FBXL13: variants seen among roughly 807,000 people sequenced by gnomAD.
FBXL13 encodes the protein F-box and leucine rich repeat protein 13, also known as F-box and leucine-rich repeat protein 13.
FBXL13 carries 67 observed loss-of-function variants against 83.6 expected under a neutral mutation model. The ratio of observed to expected loss-of-function variants is 0.80; its 90% CI spans 0.66 to 0.98. The LOEUF (loss-of-function observed/expected upper bound fraction) is 0.98. Among genes scored for constraint, FBXL13 ranks in the 50% least tolerant of loss-of-function variants. The probability of loss-of-function intolerance (pLI) is 0.00; values close to 1 mark genes in which losing one functional copy is unlikely to be tolerated. For synonymous variants in FBXL13, 272 were observed against 299.5 expected, an observed-to-expected ratio of 0.91 and a Z score of 0.95; for missense variants, 822 against 866.5, an observed-to-expected ratio of 0.95 and a Z score of 0.64.
chr7:102,882,054 A>C (rs1049486711), intron 14 of FBXL13, among the ~76,000 whole-genome samples: 1 of 152,158 alleles, frequency 6.6e-6, no homozygotes, highest in Non-Finnish European at 1.5e-5. Context: ...TGAAGCCAGG[A>C]CTTTGAGACC....
At chr7:102,873,108 G>C (rs1808743101) in intron 16 of FBXL13, among the ~76,000 whole-genome samples, 1 of 152,146 alleles carries the variant, frequency 6.6e-6, no homozygotes, top group African/African-American at 2.4e-5. Context: ...TGCCTTTGCT[G>C]ATCAACTTCT....
At chr7:103,072,390 A>G (rs1016774288) in intron 1 of FBXL13, among the ~76,000 whole-genome samples, 4 of 152,178 alleles carry the variant, frequency 2.6e-5, no homozygotes, top group African/African-American at 9.7e-5. Flanking sequence ...ACTCCTCAGG[A>G]GAACATGATC....
chr7:102,950,496 T>A (rs1823242735), intron 8 of FBXL13, among the ~76,000 whole-genome samples: 2 of 152,196 alleles, frequency 1.3e-5, no homozygotes, highest in Non-Finnish European at 2.9e-5. Flanking sequence ...AATCCAGCAA[T>A]CATGTTCCTT....
At chr7:102,912,009 A>T (rs190682899) in intron 11 of FBXL13, among the ~76,000 whole-genome samples, 7 of 152,282 alleles carry the variant, frequency 4.6e-5, no homozygotes, top group African/African-American at 1.7e-4. Context: ...TCCATTCAAG[A>T]ACCCTGGGGG....
At chr7:102,937,772 A>G (rs1414019813) in intron 8 of FBXL13, among the ~76,000 whole-genome samples, 3 of 152,172 alleles carry the variant, frequency 2.0e-5, no homozygotes, top group African/African-American at 7.2e-5. Flanking sequence ...TAATTTAAGC[A>G]ACCATTGAAA....
At chr7:103,045,264 T>C (rs1358556172) in intron 2 of FBXL13, among the ~76,000 whole-genome samples, 1 of 152,248 alleles carries the variant, frequency 6.6e-6, no homozygotes, top group African/African-American at 2.4e-5. Flanking sequence ...GACTCAGCTA[T>C]TGATACACGT....
intron 14 of FBXL13, among the ~76,000 whole-genome samples, 187 bp downstream of exon 15, chr7:102,883,118 C>T (rs1438535016): frequency 6.6e-6 from 1 of 151,608 alleles, no homozygotes; most frequent in African/African-American, 2.4e-5. Context: ...CCCCTACACC[C>T]CATATAATCA....
chr7:102,956,646 G>A (rs1441246431), intron 8 of FBXL13, among the ~76,000 whole-genome samples: 1 of 152,170 alleles, frequency 6.6e-6, no homozygotes, highest in Non-Finnish European at 1.5e-5. Flanking sequence ...CATCATCTCA[G>A]CCCAAAATCT....
intron 10 of FBXL13, among the ~76,000 whole-genome samples, chr7:102,914,813 G>C (rs947401077): frequency 1.3e-5 from 2 of 152,210 alleles, no homozygotes; most frequent in Admixed American, 1.3e-4. Flanking sequence ...TCTTGGGGCT[G>C]TCGAGTGGAC....
chr7:103,014,067 C>T (rs1791965339), intron 6 of FBXL13, among the ~76,000 whole-genome samples: 1 of 152,094 alleles, frequency 6.6e-6, no homozygotes, highest in South Asian at 2.1e-4. Context: ...AAACATACAA[C>T]CTCCAAAGAT....
At chr7:102,973,742 A>G (rs368466489) in intron 6 of FBXL13, 10 of 765,996 alleles carry the variant, frequency 1.3e-5, no homozygotes, top group Non-Finnish European at 2.2e-5. Context: ...TTCTCTGTGC[A>G]TGCACATCAG....
chr7:103,013,741 A>C (rs1245327332), intron 6 of FBXL13, among the ~76,000 whole-genome samples: 5 of 152,184 alleles, frequency 3.3e-5, no homozygotes, highest in Non-Finnish European at 7.3e-5. Context: ...AAACAAGAAC[A>C]AACCAACCCC....
intron 3 of FBXL13, 51 bp from the exon 5 acceptor site, chr7:103,028,799 T>A (rs1367400900): frequency 7.2e-7 from 1 of 1,393,962 alleles, no homozygotes; most frequent in Non-Finnish European, 9.5e-7. Flanking sequence ...ATTAGGGCAA[T>A]ATATCATTAA....
At chr7:102,827,714 C>T (rs1025833223) in intron 18 of FBXL13, among the ~76,000 whole-genome samples, 1 of 151,962 alleles carries the variant, frequency 6.6e-6, no homozygotes, top group Admixed American at 6.6e-5. Context: ...GTGTGATGTT[C>T]CCCTTCCTGT....
intron 17 of FBXL13, among the ~76,000 whole-genome samples, chr7:102,845,713 T>A (rs1803818281): frequency 6.6e-6 from 1 of 152,216 alleles, no homozygotes; most frequent in South Asian, 2.1e-4. Context: ...CAGGTTGCTA[T>A]CCTGTCACCC....
intron 6 of FBXL13, chr7:102,976,364 G>C (rs960148215): frequency 5.1e-6 from 3 of 593,856 alleles, no homozygotes; most frequent in Non-Finnish European, 9.0e-6. Flanking sequence ...TGAGCCCCCC[G>C]CTCCACTTTT....
At chr7:102,963,404 T>A (rs74989791) in intron 8 of FBXL13, 129 bp downstream of exon 9, 1 of 1,044,432 alleles carries the variant, frequency 9.6e-7, no homozygotes, top group Non-Finnish European at 1.4e-6. Context: ...ACTTATTAAA[T>A]GGTTATAATT....
chr7:102,923,805 A>C (rs886280968), intron 10 of FBXL13, among the ~76,000 whole-genome samples: 3 of 152,084 alleles, frequency 2.0e-5, no homozygotes, highest in African/African-American at 7.2e-5. Context: ...AGCCTGGGTG[A>C]CAGAGCAAGA....
intron 8 of FBXL13, among the ~76,000 whole-genome samples, chr7:102,960,029 T>C (rs950613323): frequency 6.6e-6 from 1 of 152,228 alleles, no homozygotes; most frequent in Non-Finnish European, 1.5e-5. Flanking sequence ...CTAATAACAT[T>C]GGATGCCTTT....
Sources: allele counts gnomAD v4.1 joint callset (sites outside exome capture counted in the v4.1 genomes callset), GRCh38; gene constraint gnomAD v4.1.1; transcripts MANE v1.5; gene names NCBI Gene and HGNC (gene_info 2026-07-23, HGNC 2026-07-21).